The following STPG2 variants were observed in gnomAD, a reference collection of about 807,000 sequenced individuals.
STPG2 encodes the protein sperm-tail PG-rich repeat-containing protein 2.
STPG2 carries 56 observed loss-of-function variants against 54.2 expected under a neutral mutation model. That is an observed-to-expected ratio of 1.03 (90% confidence interval 0.83 to 1.29). The LOEUF (loss-of-function observed/expected upper bound fraction) is 1.29, where lower values mean the gene tolerates loss of function less well. Among genes scored for constraint, STPG2 ranks in the 50% most tolerant of loss-of-function variants. The probability of loss-of-function intolerance (pLI) is 0.00; values close to 1 mark genes in which losing one functional copy is unlikely to be tolerated. For missense variants in STPG2, 596 were observed against 544.9 expected (o/e 1.09, Z -0.93); for synonymous variants, 200 against 181.8 (o/e 1.10, Z -0.81).
chr4:97,474,337 A>C (rs1437141711), intron 4 of STPG2, among the ~76,000 whole-genome samples: 2 of 152,158 alleles, frequency 1.3e-5, no homozygotes, highest in African/African-American at 4.8e-5. Context: ...GTTAAAAGCA[A>C]TGGTCAAGGC....
At chr4:97,694,185 GAAAC>G (rs767613217) in intron 10 of STPG2, among the ~76,000 whole-genome samples, 56 of 151,978 alleles carry the variant, frequency 3.7e-4, no homozygotes, top group African/African-American at 9.4e-4. Flanking sequence ...GAATGAAACT[GAAAC>G]AAACAAACAA....
At position 98,086,667 on chromosome 4, in the gene STPG2, A is replaced by G. The variant is rs957520683; in HGVS notation, c.612+19286T>C. 4.7e-4 allele frequency among the ~76,000 whole-genome samples: 4 copies of G among 8,514 alleles called. 1 individual carries two copies. The Admixed American group carries it at 7.4e-3, about 16-fold the overall frequency. The allele number at this position is 8,514 out of a possible 152,430, so 5.6% of individuals were successfully genotyped here. On this transcript the variant is annotated intron_variant, in intron 5 of 10. Coordinates refer to ENST00000295268, the MANE Select transcript of STPG2 (RefSeq NM_174952.3). ...TAATGAATCCACAGATGCATGCCAG[A>G]AAAAAAAAAAAAAAAAAAAAGGTGC... is the stretch of plus-strand genomic sequence containing the variant.
chr4:97,569,291 A>G (rs2148882261), intron 10 of STPG2, among the ~76,000 whole-genome samples: 1 of 152,228 alleles, frequency 6.6e-6, no homozygotes, highest in South Asian at 2.1e-4. Flanking sequence ...TTAGCATACC[A>G]ATGCATTATA....
intron 9 of STPG2, among the ~76,000 whole-genome samples, chr4:97,764,610 T>A (rs111841541): frequency 0.012 from 1,848 of 152,092 alleles, 30 homozygotes; most frequent in African/African-American, 0.043. Context: ...AAATTTTAGA[T>A]CCCCCAGTTT....
chr4:97,613,475 CGTGTGTGTGTGTGT>C (rs70953075), intron 10 of STPG2, among the ~76,000 whole-genome samples: 157 of 142,344 alleles, frequency 1.1e-3, no homozygotes, highest in African/African-American at 2.7e-3. Context: ...AGTCATCACC[CGTGTGTGTGTGTGT>C]GTGTGTGTGT....
intron 10 of STPG2, among the ~76,000 whole-genome samples, chr4:97,594,183 T>A (rs1733221333): frequency 6.6e-6 from 1 of 152,136 alleles, no homozygotes; most frequent in African/African-American, 2.4e-5. Flanking sequence ...GAATTCAGAA[T>A]AAGGATAGGA....
chr4:97,515,138 T>C (rs1006558761), intron 4 of STPG2, among the ~76,000 whole-genome samples: 4 of 152,102 alleles, frequency 2.6e-5, no homozygotes, highest in African/African-American at 9.7e-5. Flanking sequence ...TATTTTGTTG[T>C]GGTGTAAAAC....
At chr4:97,515,510 G>T (rs12504260) in intron 4 of STPG2, among the ~76,000 whole-genome samples, 71,086 of 151,708 alleles carry the variant, frequency 0.47, 17,734 homozygotes, top group South Asian at 0.62. Flanking sequence ...ACCATAAAAA[G>T]TCAACCACTG....
chr4:97,759,059 T>C (rs2149051886), intron 9 of STPG2, among the ~76,000 whole-genome samples: 1 of 152,320 alleles, frequency 6.6e-6, no homozygotes, highest in South Asian at 2.1e-4. Flanking sequence ...AGATGTTTTA[T>C]TCAAGTTATT....
chr4:97,783,075 C>G (rs1726701971), intron 9 of STPG2, among the ~76,000 whole-genome samples: 1 of 152,184 alleles, frequency 6.6e-6, no homozygotes, highest in Non-Finnish European at 1.5e-5. Context: ...CCAAAATTCA[C>G]AAATTGGATC....
chr4:97,680,515 T>A (rs1032945763), intron 10 of STPG2, among the ~76,000 whole-genome samples: 1 of 152,276 alleles, frequency 6.6e-6, no homozygotes, highest in Admixed American at 6.5e-5. Flanking sequence ...CTTATCAGCT[T>A]AAGGAGATTT....
intron 8 of STPG2, among the ~76,000 whole-genome samples, chr4:97,851,448 T>C (rs1425943822): frequency 6.6e-6 from 1 of 152,184 alleles, no homozygotes; most frequent in African/African-American, 2.4e-5. Context: ...TTTCAACCCA[T>C]ACAATGCTTA....
intron 6 of STPG2, among the ~76,000 whole-genome samples, chr4:97,977,905 G>A (rs965048749): frequency 4.6e-5 from 7 of 152,172 alleles, no homozygotes; most frequent in African/African-American, 1.4e-4. Context: ...AAAGACAGCG[G>A]GGAAAACGTT....
intron 4 of STPG2, among the ~76,000 whole-genome samples, chr4:97,442,415 T>G (rs1436144166): frequency 1.3e-5 from 2 of 152,014 alleles, no homozygotes; most frequent in Non-Finnish European, 2.9e-5. Flanking sequence ...TATCTCTAAT[T>G]GTAGAAAAAA....
At position 97,904,974 on chromosome 4, in the gene STPG2, G is replaced by A. The variant is rs899938299; in HGVS notation, c.1044+38923C>T. ...GACTATGTGAAAAGACAAAATCTAC[G>A]TCTGATTGGTGTACCTGAAAGTGAC... On this transcript the variant is annotated intron_variant, in intron 8 of 10. Transcript: ENST00000295268. Among the ~76,000 whole-genome samples, 10 of 151,982 alleles carry A rather than the reference G, an allele frequency of 6.6e-5. No individual in the cohort carries two copies. In the East Asian group the frequency reaches 7.7e-4, roughly 12 times the overall value.
intron 10 of STPG2, among the ~76,000 whole-genome samples, chr4:97,626,132 C>T (rs1335010758): frequency 2.6e-5 from 4 of 152,170 alleles, no homozygotes; most frequent in African/African-American, 9.7e-5. Flanking sequence ...AACATATTTA[C>T]ATGTGTCTTA....
chr4:97,790,141 G>A (rs928167661), intron 9 of STPG2, among the ~76,000 whole-genome samples: 7 of 151,056 alleles, frequency 4.6e-5, no homozygotes, highest in African/African-American at 1.7e-4. Context: ...TGTAGGCGGG[G>A]ATCTTTTCTG....
chr4:97,789,500 T>C (rs895969060), intron 9 of STPG2, among the ~76,000 whole-genome samples: 4 of 152,026 alleles, frequency 2.6e-5, no homozygotes, highest in African/African-American at 9.7e-5. Flanking sequence ...GGAAAATCAA[T>C]TTACAATTGT....
At chr4:97,662,459 C>A (rs910090930) in intron 10 of STPG2, among the ~76,000 whole-genome samples, 2 of 152,086 alleles carry the variant, frequency 1.3e-5, no homozygotes, top group Non-Finnish European at 2.9e-5. Flanking sequence ...TTGGAGATTT[C>A]TCAAAGAAAT....
Sources: gnomAD v4.1 joint callset for allele counts (sites outside exome capture counted in the v4.1 genomes callset) on GRCh38, gnomAD v4.1.1 for gene constraint, MANE v1.5 for transcripts, NCBI Gene and HGNC (gene_info 2026-07-23, HGNC 2026-07-21) for gene names.